Variants in PRTG observed in about 807,000 individuals in gnomAD.
PRTG encodes protogenin.
Under a neutral mutation model 122.5 loss-of-function variants are expected in PRTG, and 67 were observed. That is an observed-to-expected ratio of 0.55 (90% CI 0.45 to 0.67). PRTG has a LOEUF of 0.67. Ranked by LOEUF, PRTG falls within the 30% of genes least tolerant of loss-of-function variation. PRTG has a pLI of 0.00. For missense variants in PRTG, 1,435 were observed against 1,415.4 expected (o/e 1.01, Z -0.22); for synonymous variants, 554 against 501.1 (o/e 1.11, Z -1.41).
chr15:55,738,021 TATATACAC>T (rs1424275040), intron 2 of PRTG, among the ~76,000 whole-genome samples: 21 of 102,910 alleles, frequency 2.0e-4, no homozygotes, highest in East Asian at 4.7e-4. Context: ...TATATATATA[TATATACAC>T]ACACACACAC....
At chr15:55,659,508 A>C (rs1357718416) in intron 11 of PRTG, among the ~76,000 whole-genome samples, 1 of 152,200 alleles carries the variant, frequency 6.6e-6, no homozygotes, top group African/African-American at 2.4e-5. Context: ...CCACTATTAC[A>C]CAGCCCCTTC....
intron 11 of PRTG, among the ~76,000 whole-genome samples, chr15:55,670,804 G>A (rs995507812): frequency 6.6e-6 from 1 of 152,060 alleles, no homozygotes; most frequent in East Asian, 1.9e-4. Flanking sequence ...GGGAGGCTGA[G>A]GCAGGAGAAT....
chr15:55,737,981 T>C (rs946770584), intron 2 of PRTG, among the ~76,000 whole-genome samples: 150 of 55,446 alleles, frequency 2.7e-3, no homozygotes, highest in South Asian at 8.0e-3. Flanking sequence ...GCCTATTCTC[T>C]CTCTCTCTCT....
intron 15 of PRTG, among the ~76,000 whole-genome samples, chr15:55,633,167 G>A (rs1043316975): frequency 4.6e-5 from 7 of 152,104 alleles, no homozygotes; most frequent in Non-Finnish European, 8.8e-5. Flanking sequence ...ATTTCCTCCA[G>A]TGCTTTTTAG....
chr15:55,623,881 A>G (rs920317214), intron 18 of PRTG, among the ~76,000 whole-genome samples: 3 of 152,208 alleles, frequency 2.0e-5, no homozygotes, highest in African/African-American at 7.2e-5. Context: ...TAGATGCTCC[A>G]TATTTTTAAA....
At chr15:55,731,958 C>G (rs1345898714) in intron 2 of PRTG, among the ~76,000 whole-genome samples, 3 of 152,194 alleles carry the variant, frequency 2.0e-5, no homozygotes, top group Non-Finnish European at 4.4e-5. Flanking sequence ...GTATAGCCTA[C>G]TACACACCTC....
chr15:55,620,607 A>G (rs2059160720), intron 19 of PRTG, 56 bp downstream of exon 19: 1 of 1,530,330 alleles, frequency 6.5e-7, no homozygotes, highest in African/African-American at 1.4e-5. Context: ...CTCTTTTTAA[A>G]TCATCATTTC....
intron 2 of PRTG, among the ~76,000 whole-genome samples, chr15:55,712,424 A>T (rs1264999356): frequency 2.0e-5 from 3 of 152,158 alleles, no homozygotes; most frequent in Non-Finnish European, 4.4e-5. Context: ...TTTCAACCAA[A>T]CCCACAAATC....
At position 55,639,791 on chromosome 15, in the gene PRTG, G is replaced by A; in HGVS notation, c.2175C>T (p.Pro725=). ...RDRMVPPPPP[P]HHLYAKANTS... ...TGTTAGCCTTCGCATAGAGATGGTG[G>A]GGTGGTGGTGGAGGAGGGACCATGC... is the stretch of plus-strand genomic sequence containing the variant. Residue 725 remains proline, a synonymous_variant, in exon 13 of 20, where the codon CCC becomes CCT. Transcript: ENST00000389286. The A allele has an allele frequency of 6.2e-7, 1 of 1,614,144 alleles. No homozygotes were observed. Among genetic ancestry groups the A allele is most frequent in the Non-Finnish European group, 8.5e-7 (1 of 1,180,016 alleles).
At chr15:55,715,005 TAATA>T (rs750773460) in intron 2 of PRTG, among the ~76,000 whole-genome samples, 22 of 152,214 alleles carry the variant, frequency 1.4e-4, no homozygotes, top group Non-Finnish European at 2.8e-4. Context: ...TCAGAAAATA[TAATA>T]AATTACTTCT....
intron 15 of PRTG, among the ~76,000 whole-genome samples, chr15:55,629,373 ATATGTGTG>A (rs1451768562): frequency 0.065 from 3,425 of 53,050 alleles, 64 homozygotes; most frequent in Non-Finnish European, 0.083. Flanking sequence ...ATATATATAT[ATATGTGTG>A]TGTGTGTGTG....
chr15:55,732,400 G>A (rs1196265307), intron 2 of PRTG, among the ~76,000 whole-genome samples: 5 of 151,562 alleles, frequency 3.3e-5, no homozygotes, highest in African/African-American at 9.7e-5. Flanking sequence ...GGCCAGGCTG[G>A]TCTCGAACTC....
intron 2 of PRTG, among the ~76,000 whole-genome samples, chr15:55,700,735 C>T (rs558722848): frequency 2.0e-5 from 3 of 152,158 alleles, no homozygotes; most frequent in East Asian, 3.9e-4. Flanking sequence ...GAGCCTGGAT[C>T]GCACCACTGC....
At chr15:55,646,485 G>A (rs1317189855) in intron 11 of PRTG, among the ~76,000 whole-genome samples, 1 of 150,696 alleles carries the variant, frequency 6.6e-6, no homozygotes, top group Non-Finnish European at 1.5e-5. Flanking sequence ...ACCACGCCCG[G>A]CCAATTTTTT....
At chr15:55,694,862 T>A (rs1485414821) in intron 2 of PRTG, among the ~76,000 whole-genome samples, 1 of 152,188 alleles carries the variant, frequency 6.6e-6, no homozygotes, top group Admixed American at 6.5e-5. Flanking sequence ...ATTTTACAAG[T>A]CTACAGCCTC....
chr15:55,734,430 T>C (rs1409331432), intron 2 of PRTG, among the ~76,000 whole-genome samples: 1 of 152,262 alleles, frequency 6.6e-6, no homozygotes, highest in Non-Finnish European at 1.5e-5. Context: ...GGATTTAATA[T>C]TGCTTCAAGA....
At chr15:55,702,067 CAG>C (rs1367645485) in intron 2 of PRTG, among the ~76,000 whole-genome samples, 1 of 151,506 alleles carries the variant, frequency 6.6e-6, no homozygotes, top group East Asian at 1.9e-4. Flanking sequence ...ATTTGAAAGA[CAG>C]AATTTACTAT....
At position 55,614,761 on chromosome 15, in the gene PRTG, C is replaced by G. The variant is rs1042226390; in HGVS notation, c.*5251G>C. On this transcript the variant is annotated 3_prime_UTR_variant, in exon 20 of 20. Coordinates refer to ENST00000389286, the MANE Select transcript of PRTG (RefSeq NM_173814.6). ...TTGGTAGGCTACAAGTCAAAGTTTT[C>G]ATGCTTTTAATCTTTAAAGATCCCC... 2 of 152,096 alleles carry G rather than the reference C, an allele frequency of 1.3e-5. No homozygotes were observed. Among genetic ancestry groups the G allele is most frequent in the African/African-American group, 4.8e-5 (2 of 41,436 alleles). 9.4% of individuals were successfully genotyped at this position (152,096 alleles called of 1,614,324 possible).
intron 9 of PRTG, among the ~76,000 whole-genome samples, chr15:55,674,524 T>C (rs1268040854): frequency 6.6e-6 from 1 of 152,172 alleles, no homozygotes; most frequent in Non-Finnish European, 1.5e-5. Flanking sequence ...TAACTAGAGA[T>C]GTCATATATA....
Sources: allele counts gnomAD v4.1 joint callset (sites outside exome capture counted in the v4.1 genomes callset), GRCh38; gene constraint gnomAD v4.1.1; transcripts MANE v1.5; gene names NCBI Gene and HGNC (gene_info 2026-07-23, HGNC 2026-07-21).